Variants in ATP4A observed in about 807,000 individuals in gnomAD.
ATP4A encodes potassium-transporting ATPase alpha chain 1.
In ATP4A, 73 loss-of-function variants were observed where a neutral mutation model predicts 112.1. The ratio of observed to expected loss-of-function variants is 0.65; its 90% CI spans 0.54 to 0.79. The LOEUF (loss-of-function observed/expected upper bound fraction) is 0.79, where lower values mean the gene tolerates loss of function less well. ATP4A is among the 30% of genes least tolerant of loss of function. The pLI is 0.00. For missense variants in ATP4A, 1,081 were observed against 1,425.9 expected, an observed-to-expected ratio of 0.76 and a Z score of 3.90; for synonymous variants, 588 against 588.9, an observed-to-expected ratio of 1.00 and a Z score of 0.02.
chr19:35,562,151 C>T (rs751587471), intron 4 of ATP4A, among the ~76,000 whole-genome samples: 4 of 152,144 alleles, frequency 2.6e-5, no homozygotes, highest in African/African-American at 4.8e-5. Flanking sequence ...ATTACACGCC[C>T]GGCCTCCAAA....
At chr19:35,554,719 T>C (rs1231276330) in intron 16 of ATP4A, among the ~76,000 whole-genome samples, 1 of 103,780 alleles carries the variant, frequency 9.6e-6, no homozygotes, top group Admixed American at 1.0e-4. Context: ...AGTGTCCGCC[T>C]GTGTGTGCAT....
rs889979553 is a variant in ATP4A, at chr19:35,560,511, G to A, written c.639C>T (p.Asp213=). The change falls in exon 6 of 22, where the codon GAC becomes GAT. Residue 213 remains aspartate, a synonymous_variant. Coordinates refer to ENST00000262623, the MANE Select transcript of ATP4A (RefSeq NM_000704.3). This position sits in a 1 kb window ranked among gnomAD's most constrained non-coding sequence, Gnocchi z 5.1. The part of the protein sequence containing the change: ...EMKGGDRVPA[D]IRILAAQGCK... The stretch of plus-strand genomic sequence containing the variant: ...AGCCCTGGGCCGCCAGGATGCGGAT[G>A]TCGGCGGGCACTCTGTCCCCACCTT... 3.1e-6 allele frequency: 5 copies of A among 1,613,498 alleles called. No homozygotes were observed. The African/African-American group carries it at 4.0e-5, about 13-fold the overall frequency.
At position 35,553,584 on chromosome 19, in the gene ATP4A, C is replaced by T. The variant is rs941542061; in HGVS notation, c.2605+122G>A. 2.1e-5 allele frequency: 30 copies of T among 1,407,438 alleles called. No homozygotes were observed. The East Asian group carries it at 5.3e-4, about 25-fold the overall frequency. 87.2% of individuals were successfully genotyped at this position (1,407,438 alleles called of 1,614,324 possible). ...GAGGGACACGGAGGACAACGGAGAC[C>T]CAGGACCAAATGCAGACACTGAGGT... On this transcript the variant is annotated intron_variant, in intron 17 of 21. Coordinates refer to ENST00000262623, the MANE Select transcript of ATP4A (RefSeq NM_000704.3).
rs2146310839 is a variant in ATP4A at position 35,559,403 on chromosome 19, G to A, written c.1057-212C>T. On this transcript the variant is annotated intron_variant, in intron 7 of 21. Coordinates refer to ENST00000262623, the MANE Select transcript of ATP4A (RefSeq NM_000704.3). This position sits in a 1 kb window ranked among gnomAD's most constrained non-coding sequence, Gnocchi z 4.1. Reference sequence around the variant, plus strand: ...CCAGTCTGCCCAGATACAGTAGCGAGGCCCCTCTCTGAGCTGTCCCAGCCG... The same window carrying A: ...CCAGTCTGCCCAGATACAGTAGCGAAGCCCCTCTCTGAGCTGTCCCAGCCG... Among the ~76,000 whole-genome samples the A allele has an allele frequency of 6.6e-6, 1 of 152,376 alleles. No homozygotes were observed. The highest frequency in any genetic ancestry group is 2.4e-5 in the African/African-American group (1 of 41,588).
At chr19:35,561,299 C>G (rs1213389825) in intron 4 of ATP4A, among the ~76,000 whole-genome samples, 1 of 152,064 alleles carries the variant, frequency 6.6e-6, no homozygotes, top group African/African-American at 2.4e-5. Flanking sequence ...TCCACTGTCC[C>G]ATGTCTCCTC....
chr19:35,558,226 C>T lies in ATP4A; in HGVS notation c.1500+136G>A. 2 of 1,181,578 alleles carry T rather than the reference C, an allele frequency of 1.7e-6. No homozygotes were observed. Among genetic ancestry groups the T allele is most frequent in the Non-Finnish European group, 2.3e-6 (2 of 865,676 alleles). 73.2% of individuals were successfully genotyped at this position (1,181,578 alleles called of 1,614,324 possible). A position where few individuals can be genotyped will look rare whatever the true frequency, so the allele number is the denominator to read the frequency against. ...CTGGTGGACGGGGCCATAGGCGGAG[C>T]GGGAGATGGGGTGGGGTTTGGCTGC... On this transcript the variant is annotated intron_variant, in intron 10 of 21. Transcript: ENST00000262623. This position sits in a 1 kb window ranked among gnomAD's most constrained non-coding sequence, Gnocchi z 5.1.
In ATP4A at chr19:35,551,159, T is replaced by C. The variant is rs776415670; in HGVS notation, c.2886-48A>G. ...AGGCCATTAGGAATTGGGGACGTGA[T>C]GGAAATCAGGATACTGTGGGTCAAA... On this transcript the variant is annotated intron_variant, in intron 19 of 21. Coordinates refer to ENST00000262623, the MANE Select transcript of ATP4A (RefSeq NM_000704.3). The surrounding 1 kb of genome is among the most constrained non-coding windows in gnomAD (Gnocchi z 5.2). 7.1e-6 allele frequency: 11 copies of C among 1,540,436 alleles called. No individual in the cohort carries two copies. The highest frequency in any genetic ancestry group is 8.8e-6 in the Non-Finnish European group (10 of 1,132,808).
At position 35,551,039 on chromosome 19, in the gene ATP4A, C is replaced by A; in HGVS notation, c.2958G>T (p.Met986Ile). ...IGCFLCYCPG[M>I]PNIFNFMPIR... ...TGGGCATGAAGTTGAAGATGTTGGG[C>A]ATGCCGGGGCAGTAGCACAGGAAGC... The change falls in exon 20 of 22, where the codon ATG becomes ATT. Residue 986 changes from methionine (M) to isoleucine (I), a missense_variant. By Grantham distance (10) the Met-to-Ile change is conservative (BLOSUM62 1). Transcript: ENST00000262623. The surrounding 1 kb of genome is among the most constrained non-coding windows in gnomAD (Gnocchi z 5.2). 1 of 1,613,938 alleles carries A rather than the reference C, an allele frequency of 6.2e-7. No individual in the cohort carries two copies. Among genetic ancestry groups the A allele is most frequent in the African/African-American group, 1.3e-5 (1 of 75,054 alleles).
chr19:35,559,824 C>T lies in ATP4A; in HGVS notation c.1037G>A (p.Gly346Glu), dbSNP rs1327968053. 1 of 1,613,970 alleles carries T rather than the reference C, an allele frequency of 6.2e-7. No individual in the cohort carries two copies. Among genetic ancestry groups the T allele is most frequent in the African/African-American group, 1.3e-5 (1 of 74,928 alleles). The change falls in exon 7 of 22, where the codon GGG becomes GAG. Residue 346 changes from glycine to glutamate, a missense_variant. By Grantham distance (98) the Gly-to-Glu change is moderately conservative. This residue lies in a region of ATP4A where 850 missense variants were observed against 1,068.2 expected (regional missense o/e 0.80). Transcript: ENST00000262623. The surrounding 1 kb of genome is among the most constrained non-coding windows in gnomAD (Gnocchi z 4.1). ...ACTCACTGTGACAGTGGCCAGCAGCCCCTCAGGCACATAGGCCACCACGAT... is the reference window on the plus strand; with the variant it reads ...ACTCACTGTGACAGTGGCCAGCAGCTCCTCAGGCACATAGGCCACCACGAT... ...MAIVVAYVPE[G>E]LLATVTVCLS...
rs762985315 is a variant in ATP4A, at chr19:35,555,492, G to A, written c.2105C>T (p.Ala702Val). ...CAGCTTCTGCTGGGGGCTGGTGCGC[G>A]CAAACACCATCTCGGGGTGGGTGCG... ...ALRTHPEMVFARTSPQQKLVI... is the reference protein window; with the variant it reads ...ALRTHPEMVFVRTSPQQKLVI... Residue 702 changes from alanine to valine, a missense_variant, in exon 14 of 22, where the codon GCG becomes GTG. By Grantham distance (64) the Ala-to-Val change is moderately conservative. Coordinates refer to ENST00000262623, the MANE Select transcript of ATP4A (RefSeq NM_000704.3). This position sits in a 1 kb window ranked among gnomAD's most constrained non-coding sequence, Gnocchi z 6.6. 33 of 1,609,704 alleles carry A rather than the reference G, an allele frequency of 2.1e-5. No individual in the cohort carries two copies. The highest frequency in any genetic ancestry group is 1.6e-4 in the Middle Eastern group (1 of 6,074).
Position 35,555,562 on chromosome 19 carries a change from T to G in ATP4A, c.2035A>C (p.Met679Leu). The G allele has an allele frequency of 1.3e-6, 2 of 1,588,266 alleles. No homozygotes were observed. Among genetic ancestry groups the G allele is most frequent in the Non-Finnish European group, 1.7e-6 (2 of 1,162,044 alleles). ...GATGGGTCCATGTCCTTCAGCTGCATGCCATTGATCACACAGGCACGGGCA... is the reference window on the plus strand; with the variant it reads ...GATGGGTCCATGTCCTTCAGCTGCAGGCCATTGATCACACAGGCACGGGCA... The part of the protein sequence containing the change: ...KDARACVING[M>L]QLKDMDPSEL... Residue 679 changes from methionine (M) to leucine (L), a missense_variant, in exon 14 of 22, where the codon ATG (methionine) becomes CTG (leucine). Physicochemically the swap from Met to Leu is conservative, Grantham distance 15. Coordinates refer to ENST00000262623, the MANE Select transcript of ATP4A (RefSeq NM_000704.3). This position sits in a 1 kb window ranked among gnomAD's most constrained non-coding sequence, Gnocchi z 6.6.
chr19:35,560,218 T>G lies in ATP4A; in HGVS notation c.787+145A>C. ...GACAGTGGGAGACAGAGAAGCAGTG[T>G]GCCCTGGGGAGGTGGCAGTCACGGG... On this transcript the variant is annotated intron_variant, in intron 6 of 21. Transcript: ENST00000262623. The surrounding 1 kb of genome is among the most constrained non-coding windows in gnomAD (Gnocchi z 5.1). 6.6e-7 allele frequency: 1 copy of G among 1,519,766 alleles called. No individual in the cohort carries two copies. Among genetic ancestry groups the G allele is most frequent in the Non-Finnish European group, 8.9e-7 (1 of 1,122,990 alleles). 94.1% of individuals were successfully genotyped at this position (1,519,766 alleles called of 1,614,324 possible). A position where few individuals can be genotyped will look rare whatever the true frequency, so the allele number is the denominator to read the frequency against.
Position 35,558,028 on chromosome 19 carries a change from G to T in ATP4A, c.1501-181C>A. 1 of 627,274 alleles carries T rather than the reference G, an allele frequency of 1.6e-6. No homozygotes were observed. Among genetic ancestry groups the T allele is most frequent in the Non-Finnish European group, 2.7e-6 (1 of 367,704 alleles). 38.9% of individuals were successfully genotyped at this position (627,274 alleles called of 1,614,324 possible). A position where few individuals can be genotyped will look rare whatever the true frequency, so the allele number is the denominator to read the frequency against. ...TGTGTGGAGGGGTCCTTGGTAGAAGGTAAGCGTTAAGGCGGGGCTAGGTGC... is the reference window on the plus strand; with the variant it reads ...TGTGTGGAGGGGTCCTTGGTAGAAGTTAAGCGTTAAGGCGGGGCTAGGTGC... On this transcript the variant is annotated intron_variant, in intron 10 of 21. Transcript: ENST00000262623. The surrounding 1 kb of genome is among the most constrained non-coding windows in gnomAD (Gnocchi z 5.1).
rs1420105921 is a variant in ATP4A at position 35,559,642 on chromosome 19, G to A, written c.1056+163C>T. On this transcript the variant is annotated intron_variant, in intron 7 of 21. Transcript: ENST00000262623. The surrounding 1 kb of genome is among the most constrained non-coding windows in gnomAD (Gnocchi z 4.1). ...ACAGGACTTGCCCCAGGGTTGCCTCGGGAAGGACTTGCTGAATGAGTGGAT... is the reference window on the plus strand; with the variant it reads ...ACAGGACTTGCCCCAGGGTTGCCTCAGGAAGGACTTGCTGAATGAGTGGAT... Among the ~76,000 whole-genome samples, 5 of 152,186 alleles carry A rather than the reference G, an allele frequency of 3.3e-5. No individual in the cohort carries two copies. The highest frequency in any genetic ancestry group is 7.3e-5 in the Non-Finnish European group (5 of 68,038).
At position 35,554,906 on chromosome 19, in the gene ATP4A, T is replaced by C. The variant is rs907599890; in HGVS notation, c.2481+16A>G. ...CTGGGCACCCTGTGGATGGGTACCC[T>C]GGGCTGTGGACTTACAATGTCAGTG... On this transcript the variant is annotated intron_variant, in intron 16 of 21. Transcript: ENST00000262623. The C allele has an allele frequency of 1.2e-6, 2 of 1,613,954 alleles. No individual in the cohort carries two copies. The highest frequency in any genetic ancestry group is 1.7e-5 in the Admixed American group (1 of 60,004).
At chr19:35,562,721 C>T in intron 3 of ATP4A, 83 bp from the exon 4 acceptor site, 4 of 1,403,140 alleles carry the variant, frequency 2.9e-6, no homozygotes, top group Non-Finnish European at 9.6e-7. Context: ...GCTTCAGTTT[C>T]CCTTCTCCAG....
chr19:35,558,257 G>GA lies in ATP4A; in HGVS notation c.1500+104dup. 7.1e-7 allele frequency: 1 copy of GA among 1,399,126 alleles called. No homozygotes were observed. Among genetic ancestry groups the GA allele is most frequent in the Non-Finnish European group, 9.5e-7 (1 of 1,049,166 alleles). 86.7% of individuals were successfully genotyped at this position (1,399,126 alleles called of 1,614,324 possible). A position where few individuals can be genotyped will look rare whatever the true frequency, so the allele number is the denominator to read the frequency against. ...ATGGGGTGGGGTTTGGCTGCGGAGAGAAGGGGCAAGGAGCGAAGCCCCTCG... is the reference window on the plus strand; with the variant it reads ...ATGGGGTGGGGTTTGGCTGCGGAGAGAAAGGGGCAAGGAGCGAAGCCCCTCG... On this transcript the variant is annotated intron_variant, in intron 10 of 21. Transcript: ENST00000262623. The surrounding 1 kb of genome is among the most constrained non-coding windows in gnomAD (Gnocchi z 5.1).
chr19:35,551,732 G>T lies in ATP4A; in HGVS notation c.2752-152C>A. 1 of 1,084,656 alleles carries T rather than the reference G, an allele frequency of 9.2e-7. No homozygotes were observed. Among genetic ancestry groups the T allele is most frequent in the South Asian group, 1.5e-5 (1 of 65,722 alleles). 67.2% of individuals were successfully genotyped at this position (1,084,656 alleles called of 1,614,324 possible). On this transcript the variant is annotated intron_variant, in intron 18 of 21. Transcript: ENST00000262623. The surrounding 1 kb of genome is among the most constrained non-coding windows in gnomAD (Gnocchi z 5.2). ...GAGTGTGGGGGTGGGGGGAAGGAGA[G>T]AGGCAGGGTCTGCCAGGTGTGCAGG...
chr19:35,553,982 G>GCCTGGACAT, intron 16 of ATP4A, 153 bp from the exon 17 acceptor site: 1 of 1,147,032 alleles, frequency 8.7e-7, no homozygotes, highest in East Asian at 2.9e-5. Flanking sequence ...AGCCTGGACA[G>GCCTGGACAT]CCTGGGCCCC....
Sources: allele counts gnomAD v4.1 joint callset (sites outside exome capture counted in the v4.1 genomes callset), GRCh38; gene constraint gnomAD v4.1.1; regional missense constraint gnomAD v4.1.1; non-coding constraint Gnocchi (gnomAD v3.1); transcripts MANE v1.5; gene names NCBI Gene and HGNC (gene_info 2026-07-23, HGNC 2026-07-21).